Variants in KALRN observed in about 807,000 individuals in gnomAD.
KALRN encodes the protein kalirin.
In KALRN, 70 loss-of-function variants were observed where a neutral mutation model predicts 353.7. The observed-to-expected ratio is 0.20, with a 90% confidence interval of 0.16 to 0.24. The LOEUF (loss-of-function observed/expected upper bound fraction) is 0.24, where lower values mean the gene tolerates loss of function less well. KALRN is among the 10% of genes least tolerant of loss of function. KALRN has a pLI of 1.00. For synonymous variants in KALRN, 1,391 were observed against 1,434.8 expected (o/e 0.97, Z 0.69); for missense variants, 2,791 against 3,756.7 (o/e 0.74, Z 6.72).
At chr3:124,507,742 C>G (rs1025645897) in intron 33 of KALRN, among the ~76,000 whole-genome samples, 4 of 152,328 alleles carry the variant, frequency 2.6e-5, no homozygotes, top group East Asian at 3.9e-4. Context: ...TGTACTTGCA[C>G]TTCCTTTAAG....
chr3:124,673,282 A>T (rs1233083899), intron 48 of KALRN, among the ~76,000 whole-genome samples: 1 of 151,978 alleles, frequency 6.6e-6, no homozygotes, highest in Non-Finnish European at 1.5e-5. Flanking sequence ...GTTGTCCCAG[A>T]TACTGAGGCA....
chr3:124,211,137 C>T (rs939907765), intron 1 of KALRN, among the ~76,000 whole-genome samples: 1 of 152,198 alleles, frequency 6.6e-6, no homozygotes, highest in African/African-American at 2.4e-5. Context: ...ACAGTTCAGA[C>T]ACTTCATTGA....
chr3:124,175,335 G>A (rs911424368), intron 1 of KALRN, among the ~76,000 whole-genome samples: 5 of 151,606 alleles, frequency 3.3e-5, no homozygotes, highest in South Asian at 4.2e-4. Context: ...GGAGATGCGC[G>A]CTGCCGAGGG....
intron 21 of KALRN, among the ~76,000 whole-genome samples, chr3:124,453,163 T>G (rs1226424538): frequency 6.6e-6 from 1 of 152,218 alleles, no homozygotes; most frequent in Non-Finnish European, 1.5e-5. Flanking sequence ...GATTCTATTT[T>G]GAATAGAATC....
chr3:124,183,172 G>C (rs537391102), intron 1 of KALRN, among the ~76,000 whole-genome samples: 1 of 152,326 alleles, frequency 6.6e-6, no homozygotes, highest in African/African-American at 2.4e-5. Context: ...CACATGGAGA[G>C]AGACTGTGTT....
At chr3:124,582,678 A>G (rs2149270488) in intron 34 of KALRN, among the ~76,000 whole-genome samples, 1 of 151,944 alleles carries the variant, frequency 6.6e-6, no homozygotes, top group East Asian at 1.9e-4. Context: ...TAAATGCTCA[A>G]TAAATGTAAG....
chr3:124,137,834 A>G (rs1244184375), intron 1 of KALRN, among the ~76,000 whole-genome samples: 1 of 152,132 alleles, frequency 6.6e-6, no homozygotes, highest in Non-Finnish European at 1.5e-5. Flanking sequence ...GATGGCTGAA[A>G]TGGCCATCTG....
intron 25 of KALRN, 36 bp from the exon 26 acceptor site, chr3:124,474,627 A>AGAGGT (rs765009479): frequency 6.4e-7 from 1 of 1,565,742 alleles, no homozygotes; most frequent in Non-Finnish European, 8.8e-7. Flanking sequence ...TCAGCTGCAC[A>AGAGGT]GAGGTGTCTG....
rs77701768 is a variant in KALRN at position 124,446,759 on chromosome 3, A to T, written c.3430-4A>T. The T allele has an allele frequency of 2.8e-3, 4,521 of 1,614,068 alleles. 103 individuals are homozygous for T. The African/African-American group carries it at 0.053, about 19-fold the overall frequency. The stretch of plus-strand genomic sequence containing the variant: ...GGGACTGGATGAGTTGTTTCCTCCC[A>T]TAGGCGCTTGACTGGATCCAAGAAA... On this transcript the variant is annotated splice_polypyrimidine_tract_variant and splice_region_variant and intron_variant, in intron 20 of 59. Coordinates refer to ENST00000682506, the MANE Select transcript of KALRN (RefSeq NM_001388419.1).
intron 46 of KALRN, 62 bp downstream of exon 46, chr3:124,666,696 C>T (rs1426644716): frequency 2.1e-6 from 3 of 1,399,816 alleles, no homozygotes; most frequent in African/African-American, 1.4e-5. Flanking sequence ...GAGCTGCTTC[C>T]CTAAGACGAG....
At chr3:124,188,963 T>C (rs2074569204) in intron 1 of KALRN, among the ~76,000 whole-genome samples, 1 of 152,210 alleles carries the variant, frequency 6.6e-6, no homozygotes, top group South Asian at 2.1e-4. Context: ...TTCCAGTTTT[T>C]ACAAGAGGCT....
chr3:124,511,124 C>T lies in KALRN; in HGVS notation c.4935+14711C>T, dbSNP rs534399979. On this transcript the variant is annotated intron_variant, in intron 33 of 59. Coordinates refer to ENST00000682506, the MANE Select transcript of KALRN (RefSeq NM_001388419.1). ...CACCTACACTAATATTGCCCCTCTC[C>T]TCTCCCCTTCCCCTAGTCAAACATT... Among the ~76,000 whole-genome samples the T allele has an allele frequency of 1.5e-4, 23 of 152,200 alleles. 1 individual carries two copies. In the Middle Eastern group the frequency reaches 0.027, roughly 181 times the overall value.
chr3:124,656,433 AC>A (rs1201810464), intron 39 of KALRN, among the ~76,000 whole-genome samples: 1 of 152,048 alleles, frequency 6.6e-6, no homozygotes, highest in East Asian at 1.9e-4. Flanking sequence ...ACACGGTGAA[AC>A]CCCGTATCTA....
chr3:124,400,783 T>G (rs2090756240), intron 13 of KALRN, among the ~76,000 whole-genome samples: 1 of 152,178 alleles, frequency 6.6e-6, no homozygotes, highest in Non-Finnish European at 1.5e-5. Context: ...TCAGCTCCAT[T>G]TTGCCCACTG....
intron 33 of KALRN, among the ~76,000 whole-genome samples, chr3:124,557,216 C>T (rs1013798423): frequency 6.6e-6 from 1 of 152,102 alleles, no homozygotes; most frequent in Non-Finnish European, 1.5e-5. Flanking sequence ...AGCTTTTTAA[C>T]CCTCATCCAC....
chr3:124,238,447 C>G (rs1158011), intron 3 of KALRN, among the ~76,000 whole-genome samples: 14,190 of 152,096 alleles, frequency 0.093, 1,576 homozygotes, highest in East Asian at 0.46. Context: ...GTTAGGGATG[C>G]TGTAGAAAAA....
At chr3:124,675,504 T>G (rs958880520) in intron 49 of KALRN, 1 of 144,146 alleles carries the variant, frequency 6.9e-6, no homozygotes, top group Non-Finnish European at 1.5e-5. Flanking sequence ...TCTTCTTCTT[T>G]TCCTCCTCTT....
intron 33 of KALRN, among the ~76,000 whole-genome samples, chr3:124,522,118 AAAATGATGTACT>A (rs1273521834): frequency 1.1e-4 from 16 of 152,100 alleles, no homozygotes; most frequent in Admixed American, 6.6e-5. Flanking sequence ...CCTTCCTGAG[AAAATGATGTACT>A]CAGTACATCA....
At chr3:124,227,676 T>A (rs1396667796) in intron 1 of KALRN, among the ~76,000 whole-genome samples, 10 of 23,828 alleles carry the variant, frequency 4.2e-4, no homozygotes, top group African/African-American at 1.4e-3. Flanking sequence ...TTTTTTTTTT[T>A]TTTTTTTTTT....
Sources: gnomAD v4.1 joint callset for allele counts (sites outside exome capture counted in the v4.1 genomes callset) on GRCh38, gnomAD v4.1.1 for gene constraint, MANE v1.5 for transcripts, NCBI Gene and HGNC (gene_info 2026-07-23, HGNC 2026-07-21) for gene names.